Variants in JADE3 observed in about 807,000 individuals in gnomAD.
JADE3 encodes protein Jade-3.
JADE3 carries 2 observed loss-of-function variants against 50.1 expected under a neutral mutation model. The ratio of observed to expected loss-of-function variants is 0.04; its 90% CI spans 0.02 to 0.13. The LOEUF is 0.13. Ranked by LOEUF, JADE3 falls within the 10% of genes least tolerant of loss-of-function variation. JADE3 has a pLI of 1.00. For synonymous variants in JADE3, 218 were observed against 232.9 expected (o/e 0.94, Z 0.58); for missense variants, 475 against 634.4 (o/e 0.75, Z 2.70).
At chrX:47,041,953 A>T (rs1245250172) in intron 8 of JADE3, among the ~76,000 whole-genome samples, 2 of 110,747 alleles carry the variant, frequency 1.8e-5, no homozygotes, top group Non-Finnish European at 3.8e-5. Context: ...TACAGGCATG[A>T]GCCACCACAC....
chrX:46,964,427 G>A (rs1252846911), intron 1 of JADE3, among the ~76,000 whole-genome samples: 4 of 111,681 alleles, frequency 3.6e-5, no homozygotes, highest in Non-Finnish European at 7.5e-5. Flanking sequence ...TTTGACTATT[G>A]AGAAGCCACC....
chrX:47,057,266 C>T (rs1271700367), intron 10 of JADE3, among the ~76,000 whole-genome samples: 1 of 111,333 alleles, frequency 9.0e-6, no homozygotes, highest in African/African-American at 3.3e-5. Context: ...AAATGCTGCC[C>T]ACTGGGATAC....
intron 4 of JADE3, among the ~76,000 whole-genome samples, chrX:47,006,602 T>G (rs1239584518): frequency 1.8e-5 from 2 of 108,702 alleles, no homozygotes; most frequent in Non-Finnish European, 3.8e-5. Context: ...GCCCAGCCCA[T>G]TACTTTTCTG....
intron 4 of JADE3, 100 bp from the exon 5 acceptor site, chrX:47,024,624 G>A: frequency 2.2e-6 from 1 of 453,140 alleles, no homozygotes; most frequent in Non-Finnish European, 3.7e-6. Context: ...TTTCTAGAAA[G>A]GAATCTGCCA....
At position 46,923,393 on chromosome X, in the gene JADE3, C is replaced by CTTTTTTTTTTTTTTTTTTTTTT. The variant is rs782555482; in HGVS notation, c.-12+10681_-12+10702dup. Among the ~76,000 whole-genome samples, 9 of 11,522 alleles carry CTTTTTTTTTTTTTTTTTTTTTT rather than the reference C, an allele frequency of 7.8e-4. 1 individual carries two copies. Among genetic ancestry groups the CTTTTTTTTTTTTTTTTTTTTTT allele is most frequent in the Non-Finnish European group, 1.8e-3 (9 of 4,943 alleles). 10.0% of individuals were successfully genotyped at this position (11,522 alleles called of 115,157 possible). A position where few individuals can be genotyped will look rare whatever the true frequency, so the allele number is the denominator to read the frequency against. On this transcript the variant is annotated intron_variant, in intron 1 of 10. Coordinates refer to ENST00000614628, the MANE Select transcript of JADE3 (RefSeq NM_014735.5). ...ATTTCTTTTCTCTCTCTCTCTCTCT[C>CTTTTTTTTTTTTTTTTTTTTTT]TTTTTTTTTTTTTTTTTTTTTTTTT... is the stretch of plus-strand genomic sequence containing the variant.
intron 4 of JADE3, among the ~76,000 whole-genome samples, chrX:47,003,867 T>C (rs1431257621): frequency 9.8e-6 from 1 of 101,938 alleles, no homozygotes; most frequent in African/African-American, 3.5e-5. Context: ...AATTTATTTT[T>C]ATATATTTAT....
At chrX:46,987,099 A>C (rs1927880079) in intron 3 of JADE3, among the ~76,000 whole-genome samples, 1 of 111,920 alleles carries the variant, frequency 8.9e-6, no homozygotes, top group Admixed American at 9.5e-5. Flanking sequence ...CCTAGGGAAG[A>C]ATTTGCCACC....
At chrX:47,007,805 TTTTGTGTGTGTGTGTGTG>T (rs1233822648) in intron 4 of JADE3, among the ~76,000 whole-genome samples, 5 of 79,830 alleles carry the variant, frequency 6.3e-5, no homozygotes, top group African/African-American at 1.5e-4. Flanking sequence ...TGTCCTTTTA[TTTTGTGTGTGTGTGTGTG>T]TGTGTGTGTG....
At chrX:46,983,278 C>T (rs1489667652) in intron 1 of JADE3, among the ~76,000 whole-genome samples, 1 of 111,584 alleles carries the variant, frequency 9.0e-6, no homozygotes, top group Non-Finnish European at 1.9e-5. Flanking sequence ...ATCTTTGAGC[C>T]ACAGCTCTGG....
At position 46,925,696 on chromosome X, in the gene JADE3, C is replaced by T. The variant is rs782551846; in HGVS notation, c.-12+12977C>T. Among the ~76,000 whole-genome samples, 12 of 109,611 alleles carry T rather than the reference C, an allele frequency of 1.1e-4. 1 individual carries two copies. In the South Asian group the frequency reaches 3.2e-3, roughly 29 times the overall value. ...GAAATTAGCTGGGCGTGGTGGCAGG[C>T]GCCTGTAGTCCCAGCTACCTGGGAG... On this transcript the variant is annotated intron_variant, in intron 1 of 10. Coordinates refer to ENST00000614628, the MANE Select transcript of JADE3 (RefSeq NM_014735.5).
In JADE3 at chrX:47,058,310, A is replaced by G; in HGVS notation, c.1705A>G (p.Ser569Gly). Residue 569 changes from serine to glycine, a missense_variant, in exon 11 of 11, where the codon AGC becomes GGC. Ser to Gly is a moderately conservative substitution (Grantham distance 56). Around this residue, in one of 6 missense-constraint regions of JADE3, gnomAD observed 243 missense variants for 238.2 expected, o/e 1.02. Transcript: ENST00000614628. ...CGATCAGCAGCCCCACTCTCCTGAC[A>G]GCAGCTCATCTGTTCACAGTATAAG... The part of the protein sequence containing the change: ...ETDQQPHSPD[S>G]SSSVHSIRNM... 8.3e-7 allele frequency: 1 copy of G among 1,211,421 alleles called. No individual in the cohort carries two copies. Among genetic ancestry groups the G allele is most frequent in the Non-Finnish European group, 1.1e-6 (1 of 895,431 alleles).
chrX:47,050,492 A>G (rs1304862282), intron 8 of JADE3, among the ~76,000 whole-genome samples: 1 of 111,763 alleles, frequency 8.9e-6, no homozygotes, highest in Non-Finnish European at 1.9e-5. Context: ...CCTCCCAATT[A>G]TAACTTCGTA....
rs781835548 is a variant in JADE3, at chrX:47,058,843, C to A, written c.2238C>A (p.Phe746Leu). ...PTKNMSPKEQ[F>L]WGRQVLRRSA... ...AGAATATGAGCCCCAAGGAGCAGTT[C>A]TGGGGTAGACAGGTTCTCAGGCGGT... The change falls in exon 11 of 11, where the codon TTC (phenylalanine) becomes TTA (leucine). Residue 746 changes from phenylalanine to leucine, a missense_variant. By Grantham distance (22) the Phe-to-Leu change is conservative (BLOSUM62 0). Coordinates refer to ENST00000614628, the MANE Select transcript of JADE3 (RefSeq NM_014735.5). The A allele has an allele frequency of 2.5e-6, 3 of 1,209,006 alleles. No homozygotes were observed. The highest frequency in any genetic ancestry group is 2.2e-6 in the Non-Finnish European group (2 of 893,170).
chrX:46,921,543 C>T (rs1046386107), intron 1 of JADE3, among the ~76,000 whole-genome samples: 2 of 111,981 alleles, frequency 1.8e-5, no homozygotes, highest in African/African-American at 6.5e-5. Context: ...AGACCTGAGG[C>T]TGCTGTCTTT....
At chrX:46,920,721 T>G (rs1354832988) in intron 1 of JADE3, among the ~76,000 whole-genome samples, 1 of 112,705 alleles carries the variant, frequency 8.9e-6, no homozygotes, top group Non-Finnish European at 1.9e-5. Flanking sequence ...TTGAAAAGAC[T>G]ACCCTTTCTC....
Position 47,028,089 on chromosome X carries a change from G to A in JADE3, c.673G>A (p.Val225Ile), listed in dbSNP as rs782380164. The A allele has an allele frequency of 1.2e-5, 14 of 1,199,784 alleles. No individual in the cohort carries two copies. In the African/African-American group the frequency reaches 1.8e-4, roughly 15 times the overall value. The change falls in exon 6 of 11, where the codon GTC (valine) becomes ATC (isoleucine). Residue 225 changes from valine to isoleucine, a missense_variant. Coordinates refer to ENST00000614628, the MANE Select transcript of JADE3 (RefSeq NM_014735.5). ...NDMVFCDKCN[V>I]CVHQACYGIL... The stretch of plus-strand genomic sequence containing the variant: ...TATGGTGTTCTGTGATAAGTGTAAC[G>A]TCTGTGTGCATCAGGTTAGTGAGAG...
At chrX:46,985,220 A>G (rs1201972206) in intron 2 of JADE3, among the ~76,000 whole-genome samples, 1 of 111,904 alleles carries the variant, frequency 8.9e-6, no homozygotes, top group African/African-American at 3.2e-5. Context: ...GAAAGAAGAA[A>G]AGTACAAGAG....
At chrX:47,051,869 G>A (rs1929515838) in intron 8 of JADE3, among the ~76,000 whole-genome samples, 1 of 108,886 alleles carries the variant, frequency 9.2e-6, no homozygotes, top group Admixed American at 9.9e-5. Flanking sequence ...GCCGAGGTGG[G>A]CAGATCATTT....
rs112152714 is a variant in JADE3 at position 46,921,229 on chromosome X, A to G, written c.-12+8510A>G. 9.8e-3 allele frequency among the ~76,000 whole-genome samples: 1,099 copies of G among 112,008 alleles called. 11 individuals are homozygous for G. Among genetic ancestry groups the G allele is most frequent in the African/African-American group, 0.034 (1,060 of 30,799 alleles). On this transcript the variant is annotated intron_variant, in intron 1 of 10. Coordinates refer to ENST00000614628, the MANE Select transcript of JADE3 (RefSeq NM_014735.5). ...GTAGATGGGGCTATGGGCACATGCC[A>G]CTATGCCCACCTATTTTTAAATATT...
Sources: allele counts gnomAD v4.1 joint callset (sites outside exome capture counted in the v4.1 genomes callset), GRCh38; gene constraint gnomAD v4.1.1; regional missense constraint gnomAD v4.1.1; transcripts MANE v1.5; gene names NCBI Gene and HGNC (gene_info 2026-07-23, HGNC 2026-07-21).